The following GOLM2 variants were observed in gnomAD, a reference collection of about 807,000 sequenced individuals.
GOLM2 encodes golgi membrane protein 2, also known as protein GOLM2.
Under a neutral mutation model 55.9 loss-of-function variants are expected in GOLM2, and 26 were observed. The ratio of observed to expected loss-of-function variants is 0.47; its 90% confidence interval spans 0.34 to 0.65. The LOEUF (loss-of-function observed/expected upper bound fraction) is 0.65, where lower values mean the gene tolerates loss of function less well. Among genes scored for constraint, GOLM2 ranks in the 30% least tolerant of loss-of-function variants. GOLM2 has a pLI of 0.01. For synonymous variants in GOLM2, 165 were observed against 194.6 expected, an observed-to-expected ratio of 0.85 and a Z score of 1.27; for missense variants, 486 against 531.8, an observed-to-expected ratio of 0.91 and a Z score of 0.85.
At chr15:44,341,621 T>C (rs1464664987) in intron 6 of GOLM2, among the ~76,000 whole-genome samples, 1 of 151,966 alleles carries the variant, frequency 6.6e-6, no homozygotes, top group African/African-American at 2.4e-5. Context: ...TCCAGCAGGA[T>C]AGAAATCTTA....
At chr15:44,351,426 A>T (rs775812861) in intron 6 of GOLM2, among the ~76,000 whole-genome samples, 9 of 151,720 alleles carry the variant, frequency 5.9e-5, no homozygotes, top group Non-Finnish European at 1.2e-4. Flanking sequence ...AATAACAAAA[A>T]ATTAGCCGGG....
intron 6 of GOLM2, chr15:44,354,841 A>C (rs1441878318): frequency 6.1e-6 from 1 of 164,584 alleles, no homozygotes; most frequent in African/African-American, 2.4e-5. Context: ...TTCCAGTATG[A>C]TTCCACCAGT....
intron 6 of GOLM2, chr15:44,345,911 T>C (rs1385046790): frequency 6.6e-6 from 1 of 152,076 alleles, no homozygotes; most frequent in Non-Finnish European, 1.5e-5. Context: ...TGTGTGTGTG[T>C]GTGTGTGTGT....
intron 8 of GOLM2, among the ~76,000 whole-genome samples, chr15:44,383,234 T>C (rs74781571): frequency 0.012 from 1,798 of 152,090 alleles, 40 homozygotes; most frequent in East Asian, 0.087. Context: ...TATTTTCTCA[T>C]TGTAGCTGTC....
intron 1 of GOLM2, among the ~76,000 whole-genome samples, chr15:44,319,446 C>T (rs1829437540): frequency 6.6e-6 from 1 of 151,978 alleles, no homozygotes; most frequent in South Asian, 2.1e-4. Context: ...GTCTTGAATT[C>T]CTGAGTTTGA....
intron 8 of GOLM2, among the ~76,000 whole-genome samples, chr15:44,400,718 A>G (rs1168686980): frequency 6.6e-6 from 1 of 151,316 alleles, no homozygotes; most frequent in African/African-American, 2.4e-5. Context: ...CTGGGACTAC[A>G]GGCGCCTGCC....
chr15:44,400,899 C>A (rs1363403885), intron 8 of GOLM2, among the ~76,000 whole-genome samples: 1 of 152,002 alleles, frequency 6.6e-6, no homozygotes, highest in African/African-American at 2.4e-5. Context: ...TTAAAAGCCT[C>A]TGTAAGTGCA....
In GOLM2 at chr15:44,413,376, T is replaced by C; in HGVS notation, c.1281T>C (p.Tyr427=). ...ERELQMDPAD[Y]GKQHFNDVL ...AGCTTCAAATGGATCCTGCAGACTA[T>C]GGAAAGCAACATTTCAATGATGTCC... The change falls in exon 10 of 10, where the codon TAT becomes TAC. Residue 427 remains tyrosine, a synonymous_variant. Coordinates refer to ENST00000299957, the MANE Select transcript of GOLM2 (RefSeq NM_138423.4). The C allele has an allele frequency of 1.9e-6, 3 of 1,611,242 alleles. No individual in the cohort carries two copies. Among genetic ancestry groups the C allele is most frequent in the Non-Finnish European group, 2.5e-6 (3 of 1,179,324 alleles).
At chr15:44,310,191 C>G (rs1349110487) in intron 1 of GOLM2, among the ~76,000 whole-genome samples, 1 of 151,826 alleles carries the variant, frequency 6.6e-6, no homozygotes, top group Non-Finnish European at 1.5e-5. Flanking sequence ...GCCAGAGCCC[C>G]TTCTTTTAAG....
chr15:44,308,127 A>G (rs2078850802), intron 1 of GOLM2: 1 of 152,336 alleles, frequency 6.6e-6, no homozygotes, highest in South Asian at 2.1e-4. Flanking sequence ...TACATTCACA[A>G]TGTTGTGTAA....
chr15:44,405,988 C>A (rs2079595083), intron 9 of GOLM2, among the ~76,000 whole-genome samples: 1 of 152,048 alleles, frequency 6.6e-6, no homozygotes, highest in South Asian at 2.1e-4. Flanking sequence ...ATGGCTGTTC[C>A]CTAATTTATC....
intron 8 of GOLM2, among the ~76,000 whole-genome samples, chr15:44,386,731 C>T (rs1365985576): frequency 6.6e-6 from 1 of 151,674 alleles, no homozygotes; most frequent in East Asian, 1.9e-4. Context: ...ATTAGCCAGG[C>T]ATGGTGGCAC....
At chr15:44,396,973 A>G (rs914911101) in intron 8 of GOLM2, among the ~76,000 whole-genome samples, 3 of 152,224 alleles carry the variant, frequency 2.0e-5, no homozygotes, top group African/African-American at 7.2e-5. Flanking sequence ...AATCATTTTC[A>G]GCTGGCCACC....
intron 6 of GOLM2, among the ~76,000 whole-genome samples, chr15:44,359,809 C>T (rs1412811312): frequency 2.0e-5 from 3 of 152,224 alleles, no homozygotes; most frequent in Admixed American, 1.3e-4. Flanking sequence ...AGAGAAAGGT[C>T]GGGTTACCCA....
chr15:44,364,557 C>T (rs1282570645), intron 6 of GOLM2, among the ~76,000 whole-genome samples: 2 of 151,482 alleles, frequency 1.3e-5, no homozygotes, highest in South Asian at 2.1e-4. Context: ...TGGACAAGTG[C>T]GGTGGACCAT....
At chr15:44,293,910 A>G (rs1008279606) in intron 1 of GOLM2, among the ~76,000 whole-genome samples, 1 of 152,190 alleles carries the variant, frequency 6.6e-6, no homozygotes, top group Non-Finnish European at 1.5e-5. Context: ...TTCTTCTGCA[A>G]AGGAGATTTG....
chr15:44,366,024 G>C (rs751691112), intron 6 of GOLM2, among the ~76,000 whole-genome samples: 17 of 152,116 alleles, frequency 1.1e-4, no homozygotes, highest in Non-Finnish European at 2.2e-4. Context: ...TTGGCCGAGC[G>C]CGGTGGCTCA....
rs528809794 is a variant in GOLM2, at chr15:44,352,182, C to T, written c.802+13865C>T. Among the ~76,000 whole-genome samples, 676 of 152,136 alleles carry T rather than the reference C, an allele frequency of 4.4e-3. 4 individuals are homozygous for T. The highest frequency in any genetic ancestry group is 0.015 in the African/African-American group (639 of 41,500). ...CTGACTTCAAATTATACTACAGAGC[C>T]GTAGTAACCAAAACAGCATGGTACT... On this transcript the variant is annotated intron_variant, in intron 6 of 9. Transcript: ENST00000299957.
chr15:44,348,927 C>A (rs570397511), intron 6 of GOLM2: 2 of 152,080 alleles, frequency 1.3e-5, no homozygotes, highest in East Asian at 3.9e-4. Flanking sequence ...AAATTAAGAC[C>A]CAACAATCTG....
Sources: gnomAD v4.1 joint callset for allele counts (sites outside exome capture counted in the v4.1 genomes callset) on GRCh38, gnomAD v4.1.1 for gene constraint, MANE v1.5 for transcripts, NCBI Gene and HGNC (gene_info 2026-07-23, HGNC 2026-07-21) for gene names.